The following RHOT1 variants were observed in gnomAD, a reference collection of about 807,000 sequenced individuals.
RHOT1 encodes the protein ras homolog family member T1, also known as mitochondrial Rho GTPase 1.
In RHOT1, 27 loss-of-function variants were observed where a neutral mutation model predicts 95.3. The observed-to-expected ratio is 0.28, with a 90% CI of 0.21 to 0.39. The LOEUF (loss-of-function observed/expected upper bound fraction) is 0.39. Among genes scored for constraint, RHOT1 ranks in the 10% least tolerant of loss-of-function variants. The pLI, the probability that RHOT1 is intolerant of heterozygous loss-of-function variation, is 1.00. For synonymous variants in RHOT1, 227 were observed against 263.5 expected, an observed-to-expected ratio of 0.86 and a Z score of 1.34; for missense variants, 578 against 786.7, an observed-to-expected ratio of 0.73 and a Z score of 3.17.
chr17:32,149,625 ATATATATATATG>A (rs1252835943), intron 1 of RHOT1, among the ~76,000 whole-genome samples: 20 of 88,332 alleles, frequency 2.3e-4, no homozygotes, highest in African/African-American at 7.8e-4. Flanking sequence ...ATATATATAT[ATATATATATATG>A]TGTGTGTGTG....
chr17:32,144,957 C>A (rs1365248694), intron 1 of RHOT1, among the ~76,000 whole-genome samples: 1 of 151,908 alleles, frequency 6.6e-6, no homozygotes, highest in East Asian at 1.9e-4. Flanking sequence ...CACACCACTG[C>A]ACTTCAGCCC....
At chr17:32,179,792 T>G (rs2035441977) in intron 6 of RHOT1, 2 of 150,090 alleles carry the variant, frequency 1.3e-5, no homozygotes. Context: ...CCACCCCGTC[T>G]GGGAAGTGGG....
At chr17:32,183,754 G>C (rs181819889) in intron 8 of RHOT1, among the ~76,000 whole-genome samples, 7 of 152,136 alleles carry the variant, frequency 4.6e-5, no homozygotes, top group Non-Finnish European at 1.0e-4. Flanking sequence ...TCTCGATCTC[G>C]GCTGACTGCA....
intron 18 of RHOT1, chr17:32,208,513 C>T (rs1481513808): frequency 1.8e-6 from 1 of 563,688 alleles, no homozygotes; most frequent in Non-Finnish European, 3.2e-6. Context: ...CTGACAATAT[C>T]TGTATATTTT....
intron 1 of RHOT1, among the ~76,000 whole-genome samples, chr17:32,148,596 G>A (rs1307607283): frequency 6.6e-6 from 1 of 152,196 alleles, no homozygotes; most frequent in East Asian, 1.9e-4. Context: ...CTTTGGAACA[G>A]TGTTTAGCTA....
At chr17:32,215,183 C>T (rs759869434) in intron 19 of RHOT1, among the ~76,000 whole-genome samples, 2 of 151,886 alleles carry the variant, frequency 1.3e-5, no homozygotes, top group Non-Finnish European at 1.5e-5. Context: ...TGTGAGCCAC[C>T]GCACCCAGCT....
rs980818475 is a variant in RHOT1, at chr17:32,176,745, G to A, written c.329+532G>A. On this transcript the variant is annotated intron_variant, in intron 6 of 19. Transcript: ENST00000545287. ...GTACCACCATGCCTGGCTAATTTTC[G>A]TATTTTTTAGTAGAGAGGGTTTCGC... 1.3e-4 allele frequency among the ~76,000 whole-genome samples: 20 copies of A among 151,798 alleles called. No individual in the cohort carries two copies. The East Asian group carries it at 3.5e-3, about 26-fold the overall frequency.
At chr17:32,181,499 C>G (rs2035629547) in intron 6 of RHOT1, among the ~76,000 whole-genome samples, 1 of 152,114 alleles carries the variant, frequency 6.6e-6, no homozygotes, top group Non-Finnish European at 1.5e-5. Flanking sequence ...GTCACTGTCA[C>G]TAGTCCAAGT....
intron 1 of RHOT1, among the ~76,000 whole-genome samples, chr17:32,157,552 C>T (rs1324339038): frequency 6.6e-6 from 1 of 152,134 alleles, no homozygotes; most frequent in East Asian, 1.9e-4. Context: ...TAGCTCATGC[C>T]TATAATCCAT....
In RHOT1 at chr17:32,186,657, G is replaced by A. The variant is rs950117953; in HGVS notation, c.540+3385G>A. On this transcript the variant is annotated intron_variant, in intron 8 of 19. Coordinates refer to ENST00000545287, the MANE Select transcript of RHOT1 (RefSeq NM_001033566.3). The stretch of plus-strand genomic sequence containing the variant: ...TGGGATTACAGGCGTGAGCCACTGC[G>A]CCCGGCCCCCATTTTTGTTTTAAAG... Among the ~76,000 whole-genome samples, 9 of 151,672 alleles carry A rather than the reference G, an allele frequency of 5.9e-5. No homozygotes were observed. In the South Asian group the frequency reaches 6.3e-4, roughly 11 times the overall value.
intron 1 of RHOT1, chr17:32,143,044 T>G: frequency 3.4e-5 from 23 of 669,476 alleles, no homozygotes; most frequent in East Asian, 6.0e-5. Context: ...CCGAAGCTTC[T>G]CTCCTCCTTT....
At chr17:32,145,121 G>A (rs1294095724) in intron 1 of RHOT1, among the ~76,000 whole-genome samples, 2 of 151,912 alleles carry the variant, frequency 1.3e-5, no homozygotes, top group East Asian at 3.9e-4. Context: ...CCAACATGAC[G>A]AAACCCAGTC....
At chr17:32,189,404 ATAC>A (rs1171063392) in intron 8 of RHOT1, among the ~76,000 whole-genome samples, 1 of 152,232 alleles carries the variant, frequency 6.6e-6, no homozygotes, top group Non-Finnish European at 1.5e-5. Context: ...AACAGTCTTA[ATAC>A]TGTGGGAACT....
At chr17:32,185,770 G>A (rs995115094) in intron 8 of RHOT1, among the ~76,000 whole-genome samples, 2 of 147,354 alleles carry the variant, frequency 1.4e-5, no homozygotes, top group Admixed American at 6.8e-5. Context: ...GCCCAGGCTG[G>A]AGCACAGTGG....
chr17:32,179,328 T>C (rs1206198956), intron 6 of RHOT1: 62 of 101,940 alleles, frequency 6.1e-4, no homozygotes, highest in Middle Eastern at 7.1e-3. Flanking sequence ...CGCCTCTGCC[T>C]GGCTGCCCCA....
chr17:32,208,518 T>A (rs1210145284), intron 18 of RHOT1: 3 of 556,586 alleles, frequency 5.4e-6, no homozygotes, highest in Non-Finnish European at 9.7e-6. Flanking sequence ...AATATCTGTA[T>A]ATTTTTGAGC....
chr17:32,173,991 A>G (rs2034792860), intron 3 of RHOT1, 79 bp downstream of exon 3: 2 of 1,002,480 alleles, frequency 2.0e-6, no homozygotes, highest in Non-Finnish European at 3.1e-6. Flanking sequence ...AGCTTTTACA[A>G]ATGTTCAGAG....
intron 19 of RHOT1, among the ~76,000 whole-genome samples, chr17:32,211,608 A>G (rs1440164003): frequency 6.6e-6 from 1 of 152,216 alleles, no homozygotes; most frequent in Non-Finnish European, 1.5e-5. Context: ...GAAAGATATT[A>G]TACTGTACTC....
chr17:32,166,645 T>C (rs188116308), intron 1 of RHOT1, among the ~76,000 whole-genome samples: 1 of 152,366 alleles, frequency 6.6e-6, no homozygotes, highest in East Asian at 1.9e-4. Flanking sequence ...GCTCACAGCA[T>C]CTTCACCAGT....
Sources: allele counts gnomAD v4.1 joint callset (sites outside exome capture counted in the v4.1 genomes callset), GRCh38; gene constraint gnomAD v4.1.1; transcripts MANE v1.5; gene names NCBI Gene and HGNC (gene_info 2026-07-23, HGNC 2026-07-21).